CCDC191: variants seen among roughly 807,000 people sequenced by gnomAD.
CCDC191 encodes coiled-coil domain containing 191.
A neutral mutation model predicts 114.0 loss-of-function variants in CCDC191; 99 were observed. The ratio of observed to expected loss-of-function variants is 0.87; its 90% CI spans 0.74 to 1.03. CCDC191 has a LOEUF of 1.03. CCDC191 is among the 50% of genes least tolerant of loss of function. CCDC191 has a pLI of 0.00. For missense variants in CCDC191, 973 were observed against 1,087.0 expected (o/e 0.90, Z 1.47); for synonymous variants, 351 against 376.0 (o/e 0.93, Z 0.77).
rs571562401 is a variant in CCDC191, at chr3:113,981,511, G to A, written c.2164-718C>T. Among the ~76,000 whole-genome samples, 133 of 152,262 alleles carry A rather than the reference G, an allele frequency of 8.7e-4. 1 individual carries two copies. The highest frequency in any genetic ancestry group is 6.8e-3 in the Middle Eastern group (2 of 294). On this transcript the variant is annotated intron_variant, in intron 13 of 16. Transcript: ENST00000295878. ...GAAAAAGAAATCTACCCAGAAAGGGGGAGTGGGAGCAAGTGACACCTGCAG... is the reference window on the plus strand; with the variant it reads ...GAAAAAGAAATCTACCCAGAAAGGGAGAGTGGGAGCAAGTGACACCTGCAG...
chr3:113,997,437 C>T (rs2075752092), intron 13 of CCDC191, among the ~76,000 whole-genome samples: 2 of 152,034 alleles, frequency 1.3e-5, no homozygotes, highest in South Asian at 4.1e-4. Context: ...TTAGTGACAC[C>T]CAGTAGCAAT....
chr3:114,042,477 T>C (rs2076576449), intron 4 of CCDC191, among the ~76,000 whole-genome samples: 1 of 152,124 alleles, frequency 6.6e-6, no homozygotes, highest in Non-Finnish European at 1.5e-5. Flanking sequence ...CACAGTTAGT[T>C]AGGGATAACT....
Position 114,000,231 on chromosome 3 carries a change from C to A in CCDC191, c.2163+1364G>T, listed in dbSNP as rs137870799. 1.2e-3 allele frequency among the ~76,000 whole-genome samples: 183 copies of A among 152,314 alleles called. 1 individual carries two copies. Among genetic ancestry groups the A allele is most frequent in the African/African-American group, 4.3e-3 (178 of 41,576 alleles). ...CCTCACTAATGTTGGTGGGCATCAT[C>A]CAATCTGCTGAGAGCCTGAATAGAA... is the stretch of plus-strand genomic sequence containing the variant. On this transcript the variant is annotated intron_variant, in intron 13 of 16. Transcript: ENST00000295878.
intron 6 of CCDC191, among the ~76,000 whole-genome samples, chr3:114,032,153 A>G (rs2076415219): frequency 6.6e-6 from 1 of 152,186 alleles, no homozygotes; most frequent in African/African-American, 2.4e-5. Context: ...GATTCTCAAG[A>G]AAGGAATGAG....
rs2076202340 is a variant in CCDC191 at position 114,018,785 on chromosome 3, G to C, written c.1056C>G (p.Asp352Glu). 6.2e-7 allele frequency: 1 copy of C among 1,613,746 alleles called. No homozygotes were observed. The highest frequency in any genetic ancestry group is 1.3e-5 in the African/African-American group (1 of 74,858). Residue 352 changes from aspartate (D) to glutamate (E), a missense_variant, in exon 8 of 17, where the codon GAC (aspartate) becomes GAG (glutamate). Transcript: ENST00000295878. ...IKLGKAGTLS[D>E]WKIQLKVLRA... Reference sequence around the variant, plus strand: ...GCAGGACCTTCAGCTGAATCTTCCAGTCAGACAGGGTCCCAGCTTTCCCCA... The same window carrying C: ...GCAGGACCTTCAGCTGAATCTTCCACTCAGACAGGGTCCCAGCTTTCCCCA...
At chr3:114,039,588 T>C (rs1381140685) in intron 4 of CCDC191, 8 of 152,138 alleles carry the variant, frequency 5.3e-5, no homozygotes, top group Non-Finnish European at 1.0e-4. Context: ...TCACAGGAGA[T>C]GACAGCTAAA....
chr3:113,977,721 G>A (rs151203157), intron 16 of CCDC191, among the ~76,000 whole-genome samples: 39 of 152,286 alleles, frequency 2.6e-4, no homozygotes, highest in Non-Finnish European at 4.4e-4. Flanking sequence ...AATGTTCAAC[G>A]TTTTGACCTC....
chr3:114,031,851 A>G (rs1265416096), intron 6 of CCDC191, 72 bp from the exon 7 acceptor site: 3 of 696,680 alleles, frequency 4.3e-6, no homozygotes, highest in Non-Finnish European at 7.2e-6. Flanking sequence ...AACCTACTGT[A>G]GCAGAATAAT....
At chr3:114,000,235 T>C (rs2075828824) in intron 13 of CCDC191, among the ~76,000 whole-genome samples, 1 of 152,052 alleles carries the variant, frequency 6.6e-6, no homozygotes, top group South Asian at 2.1e-4. Context: ...CATCATCCAA[T>C]CTGCTGAGAG....
At chr3:114,007,811 A>G (rs2075997347) in intron 9 of CCDC191, among the ~76,000 whole-genome samples, 1 of 152,034 alleles carries the variant, frequency 6.6e-6, no homozygotes, top group South Asian at 2.1e-4. Context: ...CTATGACTGT[A>G]TAATTAATGA....
intron 16 of CCDC191, among the ~76,000 whole-genome samples, chr3:113,971,199 C>A (rs966856991): frequency 2.6e-5 from 4 of 152,120 alleles, no homozygotes; most frequent in African/African-American, 9.7e-5. Flanking sequence ...AAAAGTGTTC[C>A]TATTTCTCCA....
intron 1 of CCDC191, 21 bp from the exon 2 acceptor site, chr3:114,053,656 A>T: frequency 6.5e-7 from 1 of 1,529,384 alleles, no homozygotes; most frequent in Non-Finnish European, 9.0e-7. Flanking sequence ...CATATATATG[A>T]TATCAATACG....
chr3:114,007,318 G>C (rs1215164325), intron 9 of CCDC191, among the ~76,000 whole-genome samples: 1 of 152,166 alleles, frequency 6.6e-6, no homozygotes, highest in African/African-American at 2.4e-5. Flanking sequence ...GAAGCTTCTT[G>C]TTCTAACAGG....
chr3:114,028,049 T>C (rs2076349597), intron 7 of CCDC191, among the ~76,000 whole-genome samples: 1 of 152,162 alleles, frequency 6.6e-6, no homozygotes, highest in South Asian at 2.1e-4. Flanking sequence ...TTTACCATGT[T>C]ACCCCATATA....
chr3:114,056,560 C>T (rs750660546), upstream of CCDC191: 2 of 1,605,474 alleles, frequency 1.2e-6, no homozygotes, highest in Non-Finnish European at 1.7e-6. Context: ...GTAGTTCCTC[C>T]GCCCGCAAGG....
chr3:113,980,638 G>T lies in CCDC191; in HGVS notation c.2307+12C>A. Reference sequence around the variant, plus strand: ...ATTTTCTAATCTGGGGGATAACAGTGGGACAGTGTACCTGGATGTTTTGTT... The same window carrying T: ...ATTTTCTAATCTGGGGGATAACAGTTGGACAGTGTACCTGGATGTTTTGTT... On this transcript the variant is annotated intron_variant, in intron 14 of 16. Coordinates refer to ENST00000295878, the MANE Select transcript of CCDC191 (RefSeq NM_020817.2). 6.4e-7 allele frequency: 1 copy of T among 1,572,198 alleles called. No individual in the cohort carries two copies. The highest frequency in any genetic ancestry group is 2.3e-5 in the East Asian group (1 of 43,240).
intron 13 of CCDC191, among the ~76,000 whole-genome samples, chr3:113,999,847 T>C (rs1364550712): frequency 6.6e-6 from 1 of 152,244 alleles, no homozygotes; most frequent in African/African-American, 2.4e-5. Flanking sequence ...ATTTATGCTA[T>C]TTAAGTTATT....
At chr3:114,056,244 T>C (rs2076777551) in intron 1 of CCDC191, 133 bp downstream of exon 1, 1 of 790,122 alleles carries the variant, frequency 1.3e-6, no homozygotes, top group Non-Finnish European at 2.1e-6. Context: ...AATGCTGGCT[T>C]TGGGGCGGTC....
intron 14 of CCDC191, among the ~76,000 whole-genome samples, chr3:113,979,871 G>A (rs1246848468): frequency 6.6e-6 from 1 of 152,188 alleles, no homozygotes; most frequent in African/African-American, 2.4e-5. Flanking sequence ...TCATTTAGTT[G>A]CATGCACTGG....
Sources: gnomAD v4.1 joint callset for allele counts (sites outside exome capture counted in the v4.1 genomes callset) on GRCh38, gnomAD v4.1.1 for gene constraint, MANE v1.5 for transcripts, NCBI Gene and HGNC (gene_info 2026-07-23, HGNC 2026-07-21) for gene names.